The following DOCK5 variants were observed in gnomAD, a reference collection of about 807,000 sequenced individuals.
The protein encoded by DOCK5 is dedicator of cytokinesis protein 5.
DOCK5 carries 142 observed loss-of-function variants against 251.8 expected under a neutral mutation model. That is an observed-to-expected ratio of 0.56 (90% confidence interval 0.49 to 0.65). The LOEUF is 0.65. Ranked by LOEUF, DOCK5 falls within the 30% of genes least tolerant of loss-of-function variation. The pLI is 0.00. For synonymous variants in DOCK5, 842 were observed against 835.5 expected (o/e 1.01, Z -0.13); for missense variants, 2,111 against 2,312.3 (o/e 0.91, Z 1.79).
intron 11 of DOCK5, among the ~76,000 whole-genome samples, chr8:25,306,691 C>T (rs888382375): frequency 3.4e-5 from 5 of 148,332 alleles, no homozygotes; most frequent in African/African-American, 1.3e-4. Context: ...GAGACTCCGT[C>T]TGAAAAAAAA....
chr8:25,242,198 A>G (rs1407804911), intron 1 of DOCK5, among the ~76,000 whole-genome samples: 1 of 152,146 alleles, frequency 6.6e-6, no homozygotes, highest in African/African-American at 2.4e-5. Flanking sequence ...CTTACAGGGT[A>G]AGATACACAG....
intron 31 of DOCK5, 123 bp downstream of exon 31, chr8:25,367,093 G>A (rs1485647672): frequency 7.3e-6 from 6 of 817,478 alleles, no homozygotes; most frequent in Non-Finnish European, 1.0e-5. Context: ...AGTGAGGTAA[G>A]TCTTCAACTA....
chr8:25,258,539 C>T (rs887466928), intron 2 of DOCK5, among the ~76,000 whole-genome samples: 9 of 152,264 alleles, frequency 5.9e-5, no homozygotes, highest in African/African-American at 1.7e-4. Context: ...AATGGCTCCT[C>T]TATTCTGGGC....
chr8:25,380,407 C>A lies in DOCK5; in HGVS notation c.4026+13C>A, dbSNP rs764053146. ...TGGCAACCTCCTGGTGAGTCTGGGT[C>A]AAAATATGTTAGGCCTCTGACAGGG... On this transcript the variant is annotated intron_variant, in intron 39 of 51. Coordinates refer to ENST00000276440, the MANE Select transcript of DOCK5 (RefSeq NM_024940.8). 1 of 1,598,438 alleles carries A rather than the reference C, an allele frequency of 6.3e-7. No individual in the cohort carries two copies. The highest frequency in any genetic ancestry group is 1.7e-5 in the Admixed American group (1 of 58,202).
chr8:25,339,330 T>C (rs930077705), intron 22 of DOCK5, among the ~76,000 whole-genome samples: 1 of 152,082 alleles, frequency 6.6e-6, no homozygotes, highest in Non-Finnish European at 1.5e-5. Context: ...CCCCCTATCA[T>C]TAGTACTTAA....
chr8:25,390,007 G>A (rs1801229345), intron 41 of DOCK5, among the ~76,000 whole-genome samples, 199 bp from the exon 42 acceptor site: 1 of 151,646 alleles, frequency 6.6e-6, no homozygotes. Context: ...AGGGCCCTAG[G>A]ATTAATTATA....
chr8:25,302,385 G>C lies in DOCK5; in HGVS notation c.907G>C (p.Val303Leu). The C allele has an allele frequency of 1.2e-6, 2 of 1,610,856 alleles. No individual in the cohort carries two copies. Among genetic ancestry groups the C allele is most frequent in the Non-Finnish European group, 1.7e-6 (2 of 1,178,592 alleles). Reference protein sequence around the residue: ...RVSLVCQIVRVGHMELKEGKK... With the variant: ...RVSLVCQIVRLGHMELKEGKK... ...CAGCCTTGTGTGCCAGATTGTCCGC[G>C]TGGGCCATATGGAGCTGAAGGAAGG... is the stretch of plus-strand genomic sequence containing the variant. Residue 303 changes from valine (V) to leucine (L), a missense_variant, in exon 10 of 52, where the codon GTG becomes CTG. Physicochemically the swap from Val to Leu is conservative, Grantham distance 32 (BLOSUM62 1). This residue lies in a region of DOCK5 where 59 missense variants were observed against 95.0 expected (regional missense o/e 0.62). Transcript: ENST00000276440.
intron 28 of DOCK5, among the ~76,000 whole-genome samples, chr8:25,362,324 A>G (rs1312645068): frequency 6.6e-6 from 1 of 152,162 alleles, no homozygotes. Context: ...TGCATGAGAT[A>G]CATTCTGACA....
intron 1 of DOCK5, among the ~76,000 whole-genome samples, chr8:25,186,268 C>G (rs1401155546): frequency 1.3e-5 from 2 of 150,212 alleles, no homozygotes; most frequent in Non-Finnish European, 3.0e-5. Context: ...CTTTTTTGCT[C>G]TTAAGTTGCT....
chr8:25,284,044 A>G (rs533975058), intron 5 of DOCK5, among the ~76,000 whole-genome samples: 8 of 152,324 alleles, frequency 5.3e-5, no homozygotes, highest in African/African-American at 1.2e-4. Flanking sequence ...GGTATGTACT[A>G]TTATATTCAG....
chr8:25,278,556 T>G lies in DOCK5; in HGVS notation c.225-13T>G, dbSNP rs765263791. 1 of 1,613,648 alleles carries G rather than the reference T, an allele frequency of 6.2e-7. No homozygotes were observed. Among genetic ancestry groups the G allele is most frequent in the Non-Finnish European group, 8.5e-7 (1 of 1,179,626 alleles). On this transcript the variant is annotated splice_polypyrimidine_tract_variant and intron_variant, in intron 4 of 51. Transcript: ENST00000276440. ...AGCCTAGAAGAAAGTGACCCTCGTTTGGTTCTTTGTAGGCAGCATGAAACC... is the reference window on the plus strand; with the variant it reads ...AGCCTAGAAGAAAGTGACCCTCGTTGGGTTCTTTGTAGGCAGCATGAAACC...
intron 1 of DOCK5, among the ~76,000 whole-genome samples, chr8:25,226,972 A>T (rs900170018): frequency 5.9e-5 from 9 of 152,194 alleles, no homozygotes; most frequent in African/African-American, 2.2e-4. Flanking sequence ...GTGACTAATT[A>T]TCTGTGGGAT....
intron 2 of DOCK5, among the ~76,000 whole-genome samples, chr8:25,257,261 G>C (rs1803444130): frequency 6.6e-6 from 1 of 152,102 alleles, no homozygotes; most frequent in South Asian, 2.1e-4. Context: ...CTCTATGCCA[G>C]GCATCGAGCT....
At position 25,412,814 on chromosome 8, in the gene DOCK5, T is replaced by G. The variant is rs1801653964; in HGVS notation, c.*1516T>G. 6.6e-6 allele frequency: 1 copy of G among 152,234 alleles called. No homozygotes were observed. Among genetic ancestry groups the G allele is most frequent in the African/African-American group, 2.4e-5 (1 of 41,444 alleles). The allele number at this position is 152,234 out of a possible 1,614,324, so 9.4% of individuals were successfully genotyped here. A position where few individuals can be genotyped will look rare whatever the true frequency, so the allele number is the denominator to read the frequency against. ...TGCCTGATTCTCTGTGTTTCCTGTT[T>G]CACCGCCACCCTTTCAGGAGAGAAC... On this transcript the variant is annotated 3_prime_UTR_variant, in exon 52 of 52. Transcript: ENST00000276440.
intron 2 of DOCK5, among the ~76,000 whole-genome samples, chr8:25,261,295 A>T (rs1803573913): frequency 6.6e-6 from 1 of 152,250 alleles, no homozygotes; most frequent in African/African-American, 2.4e-5. Context: ...AACATCTGTA[A>T]CTAATTGCTC....
At chr8:25,314,232 C>T (rs897303085) in intron 13 of DOCK5, among the ~76,000 whole-genome samples, 4 of 151,646 alleles carry the variant, frequency 2.6e-5, no homozygotes, top group Non-Finnish European at 5.9e-5. Flanking sequence ...CCACCTCAGC[C>T]TCCCAGGTAG....
chr8:25,300,769 T>C lies in DOCK5; in HGVS notation c.846+112T>C. 5.9e-6 allele frequency: 7 copies of C among 1,188,300 alleles called. No homozygotes were observed. The South Asian group carries it at 1.1e-4, about 18-fold the overall frequency. The allele number at this position is 1,188,300 out of a possible 1,614,324, so 73.6% of individuals were successfully genotyped here. ...AAAAGATGAAAGGAAAAATCATCAA[T>C]CTGCCTAGCAGGAATAACCCACCCA... On this transcript the variant is annotated intron_variant, in intron 9 of 51. Coordinates refer to ENST00000276440, the MANE Select transcript of DOCK5 (RefSeq NM_024940.8).
At chr8:25,293,029 A>G (rs1482864376) in intron 6 of DOCK5, among the ~76,000 whole-genome samples, 1 of 152,208 alleles carries the variant, frequency 6.6e-6, no homozygotes, top group African/African-American at 2.4e-5. Context: ...GCACATATCC[A>G]GGCTCCAGAT....
rs1478939784 is a variant in DOCK5 at position 25,325,874 on chromosome 8, T to C, written c.1903+327T>C. 5.3e-5 allele frequency among the ~76,000 whole-genome samples: 8 copies of C among 152,330 alleles called. No individual in the cohort carries two copies. The East Asian group carries it at 1.5e-3, about 29-fold the overall frequency. On this transcript the variant is annotated intron_variant, in intron 18 of 51. Transcript: ENST00000276440. ...CCCTGATAGTGCATTCTGTGTAGTA[T>C]GTGCAGGAAGAGATGTTGGTAGTAA...
Sources: gnomAD v4.1 joint callset for allele counts (sites outside exome capture counted in the v4.1 genomes callset) on GRCh38, gnomAD v4.1.1 for gene constraint, gnomAD v4.1.1 regional missense constraint, MANE v1.5 for transcripts, NCBI Gene and HGNC (gene_info 2026-07-23, HGNC 2026-07-21) for gene names.